Variants in DCC observed in about 807,000 individuals in gnomAD.
The protein encoded by DCC is DCC netrin 1 receptor, also known as netrin receptor DCC.
In DCC, 58 loss-of-function variants were observed where a neutral mutation model predicts 172.5. The ratio of observed to expected loss-of-function variants is 0.34; its 90% CI spans 0.27 to 0.42. The LOEUF (loss-of-function observed/expected upper bound fraction) is 0.42. Among genes scored for constraint, DCC ranks in the 10% least tolerant of loss-of-function variants. The pLI, the probability that DCC is intolerant of heterozygous loss-of-function variation, is 1.00. For missense variants in DCC, 1,740 were observed against 1,791.0 expected (o/e 0.97, Z 0.51); for synonymous variants, 709 against 644.5 (o/e 1.10, Z -1.52).
At chr18:53,430,180 G>A (rs1025672620) in intron 21 of DCC, among the ~76,000 whole-genome samples, 1 of 152,044 alleles carries the variant, frequency 6.6e-6, no homozygotes, top group African/African-American at 2.4e-5. Flanking sequence ...TATTTTCAGA[G>A]AACAAATTTT....
chr18:52,636,068 AC>A (rs1311617489), intron 1 of DCC, among the ~76,000 whole-genome samples: 2 of 152,096 alleles, frequency 1.3e-5, no homozygotes, highest in East Asian at 1.9e-4. Context: ...TCCTGAACAC[AC>A]CCCCCTAACT....
intron 7 of DCC, among the ~76,000 whole-genome samples, chr18:53,150,750 C>G (rs977926147): frequency 6.6e-6 from 1 of 152,160 alleles, no homozygotes; most frequent in Non-Finnish European, 1.5e-5. Flanking sequence ...ACAAAAGTAG[C>G]AGAGGTGAAA....
chr18:52,798,838 C>T (rs113619663), intron 2 of DCC, among the ~76,000 whole-genome samples: 6,520 of 151,998 alleles, frequency 0.043, 220 homozygotes, highest in South Asian at 0.16. Flanking sequence ...CTGCAACCTC[C>T]CCCTCCCAGG....
chr18:52,797,010 C>CTTT (rs74178683), intron 2 of DCC, among the ~76,000 whole-genome samples: 1 of 148,774 alleles, frequency 6.7e-6, no homozygotes, highest in East Asian at 1.9e-4. Flanking sequence ...TCATTCATTC[C>CTTT]TTTTTTTTTT....
chr18:52,586,031 C>T (rs558693254), intron 1 of DCC, among the ~76,000 whole-genome samples: 6 of 130,976 alleles, frequency 4.6e-5, no homozygotes, highest in Non-Finnish European at 7.7e-5. Context: ...TGCAGTGAGC[C>T]GAAATTGTGC....
intron 12 of DCC, among the ~76,000 whole-genome samples, chr18:53,266,712 C>G (rs527748203): frequency 2.0e-5 from 3 of 151,870 alleles, no homozygotes; most frequent in African/African-American, 7.3e-5. Context: ...TAGGTAACCA[C>G]TAGTCTGATT....
At chr18:53,449,292 G>T (rs2045376287) in intron 22 of DCC, among the ~76,000 whole-genome samples, 1 of 152,134 alleles carries the variant, frequency 6.6e-6, no homozygotes, top group Non-Finnish European at 1.5e-5. Flanking sequence ...ACAGAGTATT[G>T]CTAGTTGATT....
chr18:52,945,857 C>T lies in DCC; in HGVS notation c.985+20487C>T, dbSNP rs551144750. 7.2e-5 allele frequency among the ~76,000 whole-genome samples: 11 copies of T among 152,278 alleles called. No individual in the cohort carries two copies. The East Asian group carries it at 9.7e-4, about 13-fold the overall frequency. Reference sequence around the variant, plus strand: ...CTAGTAAGTAGAAATAGCTTCAATTCGTGGCCAGTAGTTTTGAATTAGAAA... The same window carrying T: ...CTAGTAAGTAGAAATAGCTTCAATTTGTGGCCAGTAGTTTTGAATTAGAAA... On this transcript the variant is annotated intron_variant, in intron 5 of 28. Transcript: ENST00000442544.
chr18:53,214,523 T>C (rs1254700763), intron 11 of DCC, among the ~76,000 whole-genome samples: 1 of 152,144 alleles, frequency 6.6e-6, no homozygotes, highest in South Asian at 2.1e-4. Flanking sequence ...TAGATTTTTT[T>C]CCAAATTCTA....
intron 1 of DCC, among the ~76,000 whole-genome samples, chr18:52,555,336 A>T (rs12454853): frequency 2.0e-5 from 3 of 152,124 alleles, no homozygotes; most frequent in Non-Finnish European, 4.4e-5. Flanking sequence ...TGTGCTGTGG[A>T]GAATTTCAGG....
intron 5 of DCC, among the ~76,000 whole-genome samples, chr18:52,998,205 AT>A (rs1421375308): frequency 6.6e-6 from 1 of 152,062 alleles, no homozygotes; most frequent in African/African-American, 2.4e-5. Context: ...GGAATAGAAT[AT>A]TTCCATCACT....
At chr18:53,116,654 A>G (rs1200068272) in intron 7 of DCC, among the ~76,000 whole-genome samples, 1 of 151,746 alleles carries the variant, frequency 6.6e-6, no homozygotes, top group Admixed American at 6.6e-5. Flanking sequence ...CAGATCAGGA[A>G]TTATTAAAAA....
chr18:53,344,203 A>G (rs886186836), intron 15 of DCC, among the ~76,000 whole-genome samples: 22 of 152,096 alleles, frequency 1.4e-4, no homozygotes, highest in African/African-American at 4.8e-4. Flanking sequence ...ATTTATTGAC[A>G]TATGAACTTT....
intron 5 of DCC, among the ~76,000 whole-genome samples, chr18:53,002,490 C>A (rs939834162): frequency 6.6e-6 from 1 of 151,836 alleles, no homozygotes; most frequent in African/African-American, 2.4e-5. Context: ...GGAAAGTGAC[C>A]CAGAATATCA....
intron 27 of DCC, 89 bp downstream of exon 27, chr18:53,499,599 G>A: frequency 9.5e-7 from 1 of 1,049,416 alleles, no homozygotes; most frequent in Non-Finnish European, 1.5e-6. Context: ...AGGCCTAGAT[G>A]TCATATATCT....
intron 1 of DCC, among the ~76,000 whole-genome samples, chr18:52,666,180 C>T (rs1016646143): frequency 1.1e-4 from 16 of 152,066 alleles, no homozygotes; most frequent in African/African-American, 3.6e-4. Flanking sequence ...GTAATCGCAG[C>T]TACTCGGTGG....
intron 2 of DCC, among the ~76,000 whole-genome samples, chr18:52,773,518 C>CTGTT (rs2037376896): frequency 2.6e-5 from 1 of 37,924 alleles, no homozygotes; most frequent in Non-Finnish European, 1.3e-4. Flanking sequence ...CTATATCTAT[C>CTGTT]TATTTATCTA....
intron 12 of DCC, among the ~76,000 whole-genome samples, chr18:53,299,572 C>T (rs982686359): frequency 1.3e-5 from 2 of 152,200 alleles, no homozygotes; most frequent in African/African-American, 4.8e-5. Flanking sequence ...CACTCTTGGA[C>T]ATTCTACTAT....
intron 7 of DCC, among the ~76,000 whole-genome samples, chr18:53,080,149 G>A (rs553639968): frequency 6.6e-6 from 1 of 152,124 alleles, no homozygotes; most frequent in Non-Finnish European, 1.5e-5. Flanking sequence ...CCTCAACTGT[G>A]CAAGAAGAGT....
Sources: gnomAD v4.1 joint callset for allele counts (sites outside exome capture counted in the v4.1 genomes callset) on GRCh38, gnomAD v4.1.1 for gene constraint, MANE v1.5 for transcripts, NCBI Gene and HGNC (gene_info 2026-07-23, HGNC 2026-07-21) for gene names.